Variants in COX4I1 observed in about 807,000 individuals in gnomAD.
COX4I1 encodes cytochrome c oxidase subunit 4 isoform 1, mitochondrial.
COX4I1 carries 18 observed loss-of-function variants against 21.7 expected under a neutral mutation model. The ratio of observed to expected loss-of-function variants is 0.83; its 90% CI spans 0.57 to 1.23. The LOEUF (loss-of-function observed/expected upper bound fraction) is 1.23. COX4I1 is among the 50% of genes most tolerant of loss of function. The probability of loss-of-function intolerance (pLI) is 0.00; values close to 1 mark genes in which losing one functional copy is unlikely to be tolerated. For missense variants in COX4I1, 238 were observed against 220.7 expected (o/e 1.08, Z -0.50); for synonymous variants, 100 against 81.5 (o/e 1.23, Z -1.23).
intron 1 of COX4I1, among the ~76,000 whole-genome samples, chr16:85,800,138 G>A (rs1905578680): frequency 6.6e-6 from 1 of 152,146 alleles, no homozygotes; most frequent in South Asian, 2.1e-4. Context: ...GGGGCTCCCG[G>A]GCGGCGCTCG....
Position 85,805,014 on chromosome 16 carries a change from C to T in COX4I1, c.151C>T (p.His51Tyr), listed in dbSNP as rs756860726. ...RRDHPLPEVA[H>Y]VKHLSASQKA... is the part of the protein sequence containing the mutation. ...TGACCACCCCTTGCCGGAGGTGGCC[C>T]ATGTCAAGCACCTGTCTGCCAGCCA... The change falls in exon 3 of 5, where the codon CAT becomes TAT. Residue 51 changes from histidine to tyrosine, a missense_variant. His to Tyr is a moderately conservative substitution (Grantham distance 83). Transcript: ENST00000253452. The T allele has an allele frequency of 1.2e-6, 2 of 1,614,170 alleles. No individual in the cohort carries two copies. Among genetic ancestry groups the T allele is most frequent in the Non-Finnish European group, 1.7e-6 (2 of 1,180,026 alleles).
chr16:85,804,062 T>A (rs777150869), intron 2 of COX4I1: 1 of 152,284 alleles, frequency 6.6e-6, no homozygotes, highest in Non-Finnish European at 1.5e-5. Flanking sequence ...CTGCCTTGCC[T>A]GTAGAGGGTG....
At chr16:85,800,163 A>G (rs1905582648) in intron 1 of COX4I1, among the ~76,000 whole-genome samples, 1 of 152,328 alleles carries the variant, frequency 6.6e-6, no homozygotes, top group South Asian at 2.1e-4. Flanking sequence ...TCCAGCCTGG[A>G]AGGCGCCTAT....
intron 2 of COX4I1, chr16:85,804,602 T>G (rs1050706076): frequency 5.5e-6 from 1 of 182,440 alleles, no homozygotes; most frequent in Non-Finnish European, 1.2e-5. Context: ...GTGATCCGCC[T>G]GCCTGGGCCT....
At chr16:85,805,416 T>C in intron 3 of COX4I1, 1 of 523,320 alleles carries the variant, frequency 1.9e-6, no homozygotes, top group Non-Finnish European at 3.4e-6. Context: ...TGCATAGTGT[T>C]TGGTATGAAA....
chr16:85,805,972 A>G (rs1160520537), intron 4 of COX4I1, 108 bp downstream of exon 4: 63 of 1,451,728 alleles, frequency 4.3e-5, no homozygotes, highest in Non-Finnish European at 5.9e-5. Context: ...TGAGATAGGG[A>G]CTGCATTCCA....
intron 4 of COX4I1, 167 bp downstream of exon 4, chr16:85,806,031 A>T: frequency 1.1e-6 from 1 of 926,644 alleles, no homozygotes; most frequent in South Asian, 1.6e-5. Flanking sequence ...GGAGAACTGA[A>T]GTCGTGGGAG....
intron 3 of COX4I1, 118 bp downstream of exon 3, chr16:85,805,222 T>C: frequency 9.1e-7 from 1 of 1,097,714 alleles, no homozygotes; most frequent in East Asian, 2.5e-5. Flanking sequence ...GGAGGGTTGC[T>C]CTGCTGGGTT....
intron 3 of COX4I1, chr16:85,805,504 C>T (rs1906118595): frequency 3.3e-6 from 2 of 599,794 alleles, no homozygotes; most frequent in Non-Finnish European, 5.8e-6. Flanking sequence ...TTTTAATTTG[C>T]ACCTGAAGCG....
rs147549369 is a variant in COX4I1, at chr16:85,800,782, C to T, written c.-1-423C>T. Among the ~76,000 whole-genome samples, 691 of 152,248 alleles carry T rather than the reference C, an allele frequency of 4.5e-3. 5 individuals carry two copies. The highest frequency in any genetic ancestry group is 0.016 in the African/African-American group (676 of 41,530). On this transcript the variant is annotated intron_variant, in intron 1 of 4. Transcript: ENST00000253452. Reference sequence around the variant, plus strand: ...GGGATTACGGGCGCCCACTACCATGCCCGGCTAATTTTTGTATTGTTAGTA... The same window carrying T: ...GGGATTACGGGCGCCCACTACCATGTCCGGCTAATTTTTGTATTGTTAGTA...
chr16:85,805,605 G>C (rs2075532), intron 3 of COX4I1, 128 bp from the exon 4 acceptor site: 1,046,643 of 1,386,534 alleles, frequency 0.75, 406,917 homozygotes, highest in Non-Finnish European at 0.81. Flanking sequence ...TGTGGCCTGG[G>C]TTGGTGTATC....
At position 85,805,797 on chromosome 16, in the gene COX4I1, G is replaced by C. The variant is rs374921510; in HGVS notation, c.306G>C (p.Thr102=). Residue 102 remains threonine (T), a synonymous_variant, in exon 4 of 5, where the codon ACG becomes ACC. Coordinates refer to ENST00000253452, the MANE Select transcript of COX4I1 (RefSeq NM_001861.6). ...EMNRGSNEWK[T]VVGGAMFFIG... is the part of the protein sequence containing the mutation. ...ACAGGGGCTCGAACGAGTGGAAGAC[G>C]GTTGTGGGCGGTGCCATGTTCTTCA... The C allele has an allele frequency of 6.2e-7, 1 of 1,614,270 alleles. No individual in the cohort carries two copies. The highest frequency in any genetic ancestry group is 8.5e-7 in the Non-Finnish European group (1 of 1,180,052).
In COX4I1 at chr16:85,805,999, T is replaced by G. The variant is rs535219987; in HGVS notation, c.373+135T>G. 3.1e-6 allele frequency: 4 copies of G among 1,286,672 alleles called. No individual in the cohort carries two copies. In the Admixed American group the frequency reaches 6.4e-5, roughly 21 times the overall value. The allele number at this position is 1,286,672 out of a possible 1,614,324, so 79.7% of individuals were successfully genotyped here. A position where few individuals can be genotyped will look rare whatever the true frequency, so the allele number is the denominator to read the frequency against. On this transcript the variant is annotated intron_variant, in intron 4 of 4. Transcript: ENST00000253452. ...TGCATTCCAGAGTTCATCTCAGGAT[T>G]GTTTCCAGGCCTTGGTGACCTGGAG...
At chr16:85,802,118 C>A (rs764713111) in intron 2 of COX4I1, among the ~76,000 whole-genome samples, 1 of 152,150 alleles carries the variant, frequency 6.6e-6, no homozygotes, top group South Asian at 2.1e-4. Flanking sequence ...TACTCAAAAC[C>A]CAAAAACTAC....
chr16:85,804,849 T>C (rs2152083623), intron 2 of COX4I1, 88 bp from the exon 3 acceptor site: 3 of 1,199,290 alleles, frequency 2.5e-6, no homozygotes, highest in Non-Finnish European at 3.6e-6. Flanking sequence ...GGCGTGCACA[T>C]GTCTGTGTTT....
Position 85,806,748 on chromosome 16 carries a change from C to T in COX4I1, c.384C>T (p.Pro128=). The T allele has an allele frequency of 6.2e-7, 1 of 1,614,102 alleles. No individual in the cohort carries two copies. The highest frequency in any genetic ancestry group is 8.5e-7 in the Non-Finnish European group (1 of 1,179,998). ...TGTCTCACACCGTAGTGTACGGCCC[C>T]CTCCCGCAAAGCTTTGACAAAGAGT... The part of the protein sequence containing the change: ...IMWQKHYVYG[P]LPQSFDKEWV... The change falls in exon 5 of 5, where the codon CCC becomes CCT. Residue 128 remains proline, a synonymous_variant. Coordinates refer to ENST00000253452, the MANE Select transcript of COX4I1 (RefSeq NM_001861.6).
intron 1 of COX4I1, among the ~76,000 whole-genome samples, chr16:85,800,509 C>G (rs545622736): frequency 6.6e-5 from 10 of 152,318 alleles, no homozygotes; most frequent in African/African-American, 2.4e-4. Flanking sequence ...GTGCCACGGT[C>G]CCTGTGAGCT....
Position 85,806,729 on chromosome 16 carries a change from A to G in COX4I1, c.374-9A>G, listed in dbSNP as rs1384762868. 6.2e-7 allele frequency: 1 copy of G among 1,614,042 alleles called. No homozygotes were observed. Among genetic ancestry groups the G allele is most frequent in the African/African-American group, 1.3e-5 (1 of 75,040 alleles). ...ATAGTCTTGCCCCATAACCTGTCTC[A>G]CACCGTAGTGTACGGCCCCCTCCCG... On this transcript the variant is annotated splice_polypyrimidine_tract_variant and intron_variant, in intron 4 of 4. Transcript: ENST00000253452.
At chr16:85,802,643 C>T (rs1158275242) in intron 2 of COX4I1, among the ~76,000 whole-genome samples, 4 of 152,168 alleles carry the variant, frequency 2.6e-5, no homozygotes, top group Admixed American at 2.6e-4. Context: ...TAAGGGGTGC[C>T]CAGATATACC....
Sources: gnomAD v4.1 joint callset for allele counts (sites outside exome capture counted in the v4.1 genomes callset) on GRCh38, gnomAD v4.1.1 for gene constraint, MANE v1.5 for transcripts, NCBI Gene and HGNC (gene_info 2026-07-23, HGNC 2026-07-21) for gene names.